The following SORBS2 variants were observed in gnomAD, a reference collection of about 807,000 sequenced individuals.
SORBS2 encodes sorbin and SH3 domain-containing protein 2.
Under a neutral mutation model 97.7 loss-of-function variants are expected in SORBS2, and 46 were observed. The ratio of observed to expected loss-of-function variants is 0.47; its 90% CI spans 0.37 to 0.60. The LOEUF is 0.60. Ranked by LOEUF, SORBS2 falls within the 20% of genes least tolerant of loss-of-function variation. SORBS2 has a pLI of 0.00. For missense variants in SORBS2, 1,316 were observed against 1,282.3 expected, an observed-to-expected ratio of 1.03 and a Z score of -0.40; for synonymous variants, 476 against 473.4, an observed-to-expected ratio of 1.01 and a Z score of -0.07.
At position 185,615,118 on chromosome 4, in the gene SORBS2, C is replaced by T. The variant is rs545109863; in HGVS notation, c.2393G>A (p.Arg798Lys). 5.0e-5 allele frequency: 81 copies of T among 1,613,686 alleles called. No homozygotes were observed. The East Asian group carries it at 1.4e-3, about 29-fold the overall frequency. Residue 798 changes from arginine (R) to lysine (K), a missense_variant, in exon 10 of 15, where the codon AGG becomes AAG. Physicochemically the swap from Arg to Lys is conservative, Grantham distance 26. Transcript: ENST00000418609. ...CTCATACCAATTTTGATCAATTTTC[C>T]TGAGGATGTAGACAGTATCTCCTTT...
intron 1 of SORBS2, among the ~76,000 whole-genome samples, chr4:185,778,882 T>C (rs1222482369): frequency 6.6e-6 from 1 of 152,182 alleles, no homozygotes; most frequent in Non-Finnish European, 1.5e-5. Flanking sequence ...TATTTTGGAG[T>C]AGAGAGGCCT....
At chr4:185,933,857 G>T (rs1298070087) in intron 1 of SORBS2, among the ~76,000 whole-genome samples, 1 of 152,200 alleles carries the variant, frequency 6.6e-6, no homozygotes, top group Non-Finnish European at 1.5e-5. Flanking sequence ...TTCAGTGAAA[G>T]TAGGCCACCT....
intron 1 of SORBS2, among the ~76,000 whole-genome samples, chr4:185,857,902 C>T (rs976758541): frequency 6.6e-6 from 1 of 152,184 alleles, no homozygotes. Flanking sequence ...GCATGCCCAG[C>T]AGGACATGGA....
At chr4:185,895,633 G>A (rs575518861) in intron 1 of SORBS2, among the ~76,000 whole-genome samples, 2 of 152,330 alleles carry the variant, frequency 1.3e-5, no homozygotes, top group East Asian at 3.9e-4. Context: ...AGTGTCTGTG[G>A]TCCTAGACAG....
intron 2 of SORBS2, among the ~76,000 whole-genome samples, chr4:185,739,579 G>A (rs939803676): frequency 8.5e-5 from 13 of 152,190 alleles, no homozygotes; most frequent in African/African-American, 2.9e-4. Context: ...GGGGATGTGC[G>A]TATTGAGGTG....
chr4:185,599,852 C>A (rs1379591297), intron 12 of SORBS2, among the ~76,000 whole-genome samples: 2 of 152,088 alleles, frequency 1.3e-5, no homozygotes, highest in Non-Finnish European at 2.9e-5. Flanking sequence ...CACTTTAAGG[C>A]CAGTTCACAG....
At chr4:185,587,947 A>C in intron 14 of SORBS2, 2 of 398,990 alleles carry the variant, frequency 5.0e-6, no homozygotes, top group Non-Finnish European at 9.1e-6. Flanking sequence ...TGAGCCTCCC[A>C]AGCTAAAGGG....
intron 4 of SORBS2, 150 bp downstream of exon 13, chr4:185,646,518 T>G: frequency 1.5e-4 from 86 of 576,804 alleles, no homozygotes; most frequent in East Asian, 2.0e-4. Flanking sequence ...AATTCTGAGA[T>G]GAGATGTACA....
intron 2 of SORBS2, among the ~76,000 whole-genome samples, chr4:185,708,720 G>A (rs1015423291): frequency 2.0e-5 from 3 of 152,126 alleles, no homozygotes; most frequent in Non-Finnish European, 4.4e-5. Flanking sequence ...TAATCAAAAA[G>A]GAAAGGGGGA....
At chr4:185,690,906 CTT>C (rs34540920) in intron 2 of SORBS2, among the ~76,000 whole-genome samples, 22 of 146,476 alleles carry the variant, frequency 1.5e-4, no homozygotes, top group Non-Finnish European at 1.1e-4. Context: ...TTTTTTCTTT[CTT>C]TTTTTTTTTG....
At chr4:185,762,771 TTTA>T (rs1407548422) in intron 2 of SORBS2, among the ~76,000 whole-genome samples, 1 of 152,220 alleles carries the variant, frequency 6.6e-6, no homozygotes, top group African/African-American at 2.4e-5. Context: ...TCTCAGTGTG[TTTA>T]TTATTATTTA....
chr4:185,657,472 T>C, upstream of SORBS2: 2 of 1,566,028 alleles, frequency 1.3e-6, no homozygotes, highest in Non-Finnish European at 1.7e-6. Context: ...GCCCGATCCC[T>C]GGGTAATGCG....
At chr4:185,609,545 C>G (rs937777911) in intron 12 of SORBS2, among the ~76,000 whole-genome samples, 7 of 152,162 alleles carry the variant, frequency 4.6e-5, no homozygotes, top group African/African-American at 1.4e-4. Context: ...AATGAAGCAT[C>G]CTGGTATAAC....
chr4:185,936,118 C>A (rs967751110), intron 1 of SORBS2, among the ~76,000 whole-genome samples: 15 of 152,214 alleles, frequency 9.9e-5, no homozygotes, highest in Non-Finnish European at 1.9e-4. Flanking sequence ...CTCGGCCTCC[C>A]AAACTACTGA....
chr4:185,926,245 C>T (rs546185048), intron 1 of SORBS2, among the ~76,000 whole-genome samples: 4 of 152,258 alleles, frequency 2.6e-5, no homozygotes, highest in Admixed American at 6.5e-5. Flanking sequence ...CCAAGAGGGC[C>T]GTGGTAAGAG....
intron 1 of SORBS2, among the ~76,000 whole-genome samples, chr4:185,914,159 A>G (rs749158236): frequency 8.5e-5 from 13 of 152,248 alleles, no homozygotes; most frequent in Admixed American, 2.6e-4. Flanking sequence ...AGCTTTGCCA[A>G]TGTTGCCACA....
At chr4:185,817,371 T>C (rs559613782) in intron 1 of SORBS2, among the ~76,000 whole-genome samples, 10 of 152,348 alleles carry the variant, frequency 6.6e-5, no homozygotes, top group African/African-American at 2.4e-4. Flanking sequence ...CAGAAAAGGC[T>C]GCACTTGCTC....
At chr4:185,737,169 C>A (rs889126365) in intron 2 of SORBS2, among the ~76,000 whole-genome samples, 1 of 152,200 alleles carries the variant, frequency 6.6e-6, no homozygotes, top group African/African-American at 2.4e-5. Context: ...TGCTTCCTTA[C>A]TGTTTTCAAG....
At chr4:185,642,247 A>C (rs1254091414) in intron 4 of SORBS2, among the ~76,000 whole-genome samples, 1 of 152,188 alleles carries the variant, frequency 6.6e-6, no homozygotes, top group Non-Finnish European at 1.5e-5. Context: ...TAAGGGTTTA[A>C]GTTGCATTTC....
Sources: allele counts gnomAD v4.1 joint callset (sites outside exome capture counted in the v4.1 genomes callset), GRCh38; gene constraint gnomAD v4.1.1; transcripts MANE v1.5; gene names NCBI Gene and HGNC (gene_info 2026-07-23, HGNC 2026-07-21).